TBC1D5: variants seen among roughly 807,000 people sequenced by gnomAD.
TBC1D5 encodes the protein TBC1 domain family, member 5.
A neutral mutation model predicts 100.3 loss-of-function variants in TBC1D5; 75 were observed. The observed-to-expected ratio is 0.75, with a 90% CI of 0.62 to 0.91. The LOEUF (loss-of-function observed/expected upper bound fraction) is 0.91, where lower values mean the gene tolerates loss of function less well. TBC1D5 is among the 40% of genes least tolerant of loss of function. TBC1D5 has a pLI of 0.00. For missense variants in TBC1D5, 910 were observed against 942.4 expected (o/e 0.97, Z 0.45); for synonymous variants, 323 against 325.6 (o/e 0.99, Z 0.09).
intron 14 of TBC1D5, among the ~76,000 whole-genome samples, chr3:17,297,158 C>G (rs2082332033): frequency 1.3e-5 from 2 of 152,234 alleles, no homozygotes; most frequent in Admixed American, 1.3e-4. Context: ...GGCATGTTAG[C>G]TCCAGGAATG....
At chr3:17,729,571 G>A (rs1382831863) in intron 1 of TBC1D5, among the ~76,000 whole-genome samples, 1 of 152,148 alleles carries the variant, frequency 6.6e-6, no homozygotes, top group Non-Finnish European at 1.5e-5. Context: ...GCTGGGCGTT[G>A]TGGTACGCAC....
chr3:17,247,161 T>A (rs1177598520), intron 16 of TBC1D5, among the ~76,000 whole-genome samples: 1 of 152,154 alleles, frequency 6.6e-6, no homozygotes, highest in African/African-American at 2.4e-5. Context: ...ACACCAAGGC[T>A]TAGGTGAGCA....
At chr3:17,702,231 A>C (rs1261806129) in intron 1 of TBC1D5, 1 of 152,178 alleles carries the variant, frequency 6.6e-6, no homozygotes, top group Non-Finnish European at 1.5e-5. Flanking sequence ...TTTTACTTTT[A>C]AATGCAGTTC....
intron 3 of TBC1D5, among the ~76,000 whole-genome samples, chr3:17,484,553 C>A (rs1034949586): frequency 1.3e-5 from 2 of 149,562 alleles, no homozygotes; most frequent in African/African-American, 5.0e-5. Flanking sequence ...TAAGGTAACA[C>A]CAGGGTGTGT....
At chr3:17,496,317 T>C (rs1201521803) in intron 3 of TBC1D5, among the ~76,000 whole-genome samples, 1 of 152,196 alleles carries the variant, frequency 6.6e-6, no homozygotes, top group African/African-American at 2.4e-5. Context: ...GCAAATTAAA[T>C]TGAAGAGCAT....
At chr3:17,202,241 TG>T (rs1283175867) in intron 18 of TBC1D5, among the ~76,000 whole-genome samples, 1 of 152,224 alleles carries the variant, frequency 6.6e-6, no homozygotes, top group Non-Finnish European at 1.5e-5. Context: ...TGTGAAACTT[TG>T]AAATTGAGAA....
chr3:17,469,048 C>A (rs2095342456), intron 3 of TBC1D5, among the ~76,000 whole-genome samples: 1 of 152,124 alleles, frequency 6.6e-6, no homozygotes, highest in Non-Finnish European at 1.5e-5. Flanking sequence ...GAACACAGAA[C>A]TGGAGTCTCC....
chr3:17,384,589 G>A (rs925098788), intron 8 of TBC1D5, among the ~76,000 whole-genome samples: 5 of 151,944 alleles, frequency 3.3e-5, no homozygotes, highest in African/African-American at 4.8e-5. Context: ...TAAGGGCCGA[G>A]GGAATGTCAT....
At chr3:17,434,381 C>T (rs1374199) in intron 3 of TBC1D5, among the ~76,000 whole-genome samples, 13,883 of 152,248 alleles carry the variant, frequency 0.091, 1,430 homozygotes, top group African/African-American at 0.26. Flanking sequence ...GTCTTCTGCA[C>T]ACCCACAGGC....
chr3:17,300,262 C>A (rs2082694067), intron 14 of TBC1D5, among the ~76,000 whole-genome samples: 1 of 152,164 alleles, frequency 6.6e-6, no homozygotes, highest in African/African-American at 2.4e-5. Flanking sequence ...CTTAAACATT[C>A]CTTCAAAAAT....
At chr3:17,262,343 T>G (rs1279723883) in intron 15 of TBC1D5, among the ~76,000 whole-genome samples, 1 of 152,154 alleles carries the variant, frequency 6.6e-6, no homozygotes, top group Non-Finnish European at 1.5e-5. Context: ...AAACATGGTA[T>G]TATAATCTTA....
intron 19 of TBC1D5, among the ~76,000 whole-genome samples, chr3:17,174,268 T>A (rs1235455883): frequency 6.6e-6 from 1 of 151,976 alleles, no homozygotes; most frequent in Non-Finnish European, 1.5e-5. Context: ...TGCACTGTTC[T>A]ACCTGGCACC....
At chr3:17,593,112 C>G (rs1576901609) in intron 2 of TBC1D5, among the ~76,000 whole-genome samples, 1 of 152,282 alleles carries the variant, frequency 6.6e-6, no homozygotes, top group Middle Eastern at 3.4e-3. Context: ...TTCTCCGATC[C>G]TGCCACCCTG....
At chr3:17,232,572 T>A (rs141972179) in intron 17 of TBC1D5, among the ~76,000 whole-genome samples, 1 of 152,254 alleles carries the variant, frequency 6.6e-6, no homozygotes, top group East Asian at 1.9e-4. Context: ...CTTCATGGAA[T>A]CCCTGAGCTA....
At chr3:17,661,062 TA>T (rs2066596173) in intron 1 of TBC1D5, among the ~76,000 whole-genome samples, 1 of 152,204 alleles carries the variant, frequency 6.6e-6, no homozygotes, top group Non-Finnish European at 1.5e-5. Context: ...TCTGATTGCA[TA>T]AAAATATTTA....
At chr3:17,475,216 C>T (rs912105308) in intron 3 of TBC1D5, among the ~76,000 whole-genome samples, 2 of 151,586 alleles carry the variant, frequency 1.3e-5, no homozygotes, top group Non-Finnish European at 2.9e-5. Flanking sequence ...CTAACACCAT[C>T]TGCATGGTAA....
chr3:17,497,486 T>C (rs1443085334), intron 3 of TBC1D5, among the ~76,000 whole-genome samples: 1 of 152,244 alleles, frequency 6.6e-6, no homozygotes, highest in Non-Finnish European at 1.5e-5. Flanking sequence ...CTCTGTATGA[T>C]AAAATATATG....
chr3:17,158,219 A>T (rs1424985741), exon 22 of TBC1D5: 1 of 152,248 alleles, frequency 6.6e-6, no homozygotes, highest in Admixed American at 6.5e-5. Context: ...TGAAACACAT[A>T]GGGACACATA....
chr3:17,643,402 A>G (rs550130142), intron 1 of TBC1D5, among the ~76,000 whole-genome samples: 1 of 152,174 alleles, frequency 6.6e-6, no homozygotes, highest in African/African-American at 2.4e-5. Context: ...CTTTGTAATT[A>G]TTAAACATCT....
Sources: allele counts gnomAD v4.1 joint callset (sites outside exome capture counted in the v4.1 genomes callset), GRCh38; gene constraint gnomAD v4.1.1; transcripts MANE v1.5; gene names NCBI Gene and HGNC (gene_info 2026-07-23, HGNC 2026-07-21).